The following CIMAP1D variants were observed in gnomAD, a reference collection of about 807,000 sequenced individuals.
CIMAP1D encodes protein CIMAP1D.
chr19:465,279 GGAT>G, the CIMAP1D span, among the ~76,000 whole-genome samples: 1 of 150,074 alleles, frequency 6.7e-6, no homozygotes, highest in Non-Finnish European at 1.5e-5. Flanking sequence ...ATGGATGGAT[GGAT>G]GATGAGTGGG....
the CIMAP1D span, among the ~76,000 whole-genome samples, chr19:468,630 A>T: frequency 6.6e-6 from 1 of 152,148 alleles, no homozygotes; most frequent in Non-Finnish European, 1.5e-5. Flanking sequence ...CCCGATTGAG[A>T]CCGTTTGCTG....
the CIMAP1D span, among the ~76,000 whole-genome samples, chr19:485,862 C>T: frequency 1.3e-5 from 2 of 152,226 alleles, no homozygotes; most frequent in African/African-American, 4.8e-5. Flanking sequence ...TCAGCTCATG[C>T]TCCCAGCCTC....
At chr19:479,411 T>TGG in the CIMAP1D span, among the ~76,000 whole-genome samples, 410 of 32,898 alleles carry the variant, frequency 0.012, 3 homozygotes, top group Non-Finnish European at 0.022. Flanking sequence ...TTTTTTTTTT[T>TGG]GGGGGGGGGG....
At chr19:471,224 C>T in the CIMAP1D span, among the ~76,000 whole-genome samples, 66 of 152,322 alleles carry the variant, frequency 4.3e-4, no homozygotes, top group African/African-American at 1.5e-3. Flanking sequence ...TCTCGGCTCA[C>T]TGCAGCATCT....
the CIMAP1D span, among the ~76,000 whole-genome samples, chr19:464,666 C>T: frequency 1.3e-5 from 2 of 152,172 alleles, no homozygotes; most frequent in African/African-American, 4.8e-5. Flanking sequence ...CCTGGGTTTT[C>T]CCCTCTCTCC....
At chr19:471,180 G>A in the CIMAP1D span, among the ~76,000 whole-genome samples, 1,801 of 152,092 alleles carry the variant, frequency 0.012, 49 homozygotes, top group African/African-American at 0.041. Context: ...ACGGAGTCTC[G>A]CTCTGTCGCC....
the CIMAP1D span, among the ~76,000 whole-genome samples, chr19:480,656 G>T: frequency 7.5e-5 from 10 of 134,172 alleles, no homozygotes; most frequent in Non-Finnish European, 1.3e-4. Flanking sequence ...GGATGATGGA[G>T]AAGGATGATG....
the CIMAP1D span, among the ~76,000 whole-genome samples, chr19:478,931 A>G: frequency 6.6e-6 from 1 of 152,244 alleles, no homozygotes; most frequent in Non-Finnish European, 1.5e-5. Context: ...GGAGAGGACA[A>G]AACACACAAG....
the CIMAP1D span, chr19:467,806 G>C: frequency 7.7e-7 from 1 of 1,294,578 alleles, no homozygotes; most frequent in Non-Finnish European, 1.1e-6. Context: ...TCTGAAGACA[G>C]TGCCTGCCCC....
chr19:482,028 A>G, the CIMAP1D span, among the ~76,000 whole-genome samples: 1 of 152,176 alleles, frequency 6.6e-6, no homozygotes, highest in South Asian at 2.1e-4. Context: ...CCCCTGCCTT[A>G]GTCTCCCAAA....
chr19:466,309 G>C, the CIMAP1D span, among the ~76,000 whole-genome samples: 2 of 138,568 alleles, frequency 1.4e-5, no homozygotes, highest in Non-Finnish European at 3.1e-5. Flanking sequence ...GTGGATGGAT[G>C]GGTGGATAGA....
chr19:488,473 G>A, the CIMAP1D span, among the ~76,000 whole-genome samples: 2 of 152,246 alleles, frequency 1.3e-5, no homozygotes, highest in African/African-American at 2.4e-5. Context: ...GGTGAGCCGA[G>A]ATGGCGCCAC....
the CIMAP1D span, chr19:474,730 G>T: frequency 2.0e-6 from 3 of 1,536,764 alleles, no homozygotes; most frequent in South Asian, 1.2e-5. Context: ...GGGTGGAGTC[G>T]CAGCTGAGGG....
At chr19:488,773 G>A in the CIMAP1D span, among the ~76,000 whole-genome samples, 1 of 152,194 alleles carries the variant, frequency 6.6e-6, no homozygotes, top group Non-Finnish European at 1.5e-5. Flanking sequence ...CCCAGTCTCC[G>A]CCCGGGGACA....
At chr19:481,336 G>C in the CIMAP1D span, among the ~76,000 whole-genome samples, 3 of 135,088 alleles carry the variant, frequency 2.2e-5, no homozygotes, top group Non-Finnish European at 4.9e-5. Flanking sequence ...AAGGATGATG[G>C]AGAAGGATGA....
At chr19:481,324 AGAAGGATGATG>A in the CIMAP1D span, among the ~76,000 whole-genome samples, 1 of 76,374 alleles carries the variant, frequency 1.3e-5, no homozygotes, top group African/African-American at 4.7e-5. Flanking sequence ...ACGATGATGG[AGAAGGATGATG>A]GAGAAGGATG....
At chr19:484,452 T>C in the CIMAP1D span, among the ~76,000 whole-genome samples, 1 of 152,176 alleles carries the variant, frequency 6.6e-6, no homozygotes, top group Non-Finnish European at 1.5e-5. Flanking sequence ...CTTGTTTTAT[T>C]TTTGACACAG....
the CIMAP1D span, among the ~76,000 whole-genome samples, chr19:475,524 G>A: frequency 6.6e-6 from 1 of 152,152 alleles, no homozygotes; most frequent in Non-Finnish European, 1.5e-5. Flanking sequence ...AGGTAAAACT[G>A]AACAGTCCCA....
chr19:472,361 G>C, the CIMAP1D span: 3 of 1,269,270 alleles, frequency 2.4e-6, no homozygotes, highest in Admixed American at 2.9e-5. Context: ...GGAGGATCAG[G>C]GAAGCCTCCA....
Sources: gnomAD v4.1 joint callset for allele counts (sites outside exome capture counted in the v4.1 genomes callset) on GRCh38, gnomAD v4.1.1 for gene constraint, MANE v1.5 for transcripts, NCBI Gene and HGNC (gene_info 2026-07-23, HGNC 2026-07-21) for gene names.